SCTR: variants seen among roughly 807,000 people sequenced by gnomAD.
SCTR encodes the protein secretin receptor, also known as pancreatic secretin receptor.
SCTR carries 56 observed loss-of-function variants against 60.8 expected under a neutral mutation model. That is an observed-to-expected ratio of 0.92 (90% CI 0.74 to 1.15). The LOEUF is 1.15. Ranked by LOEUF, SCTR falls within the 50% of genes most tolerant of loss-of-function variation. The pLI is 0.00. For synonymous variants in SCTR, 202 were observed against 217.0 expected (o/e 0.93, Z 0.61); for missense variants, 562 against 550.4 (o/e 1.02, Z -0.21).
intron 2 of SCTR, chr2:119,480,631 T>C (rs1677557617): frequency 6.6e-6 from 1 of 152,230 alleles, no homozygotes; most frequent in African/African-American, 2.4e-5. Context: ...CATTTTATAT[T>C]TGTGTGTGAG....
intron 4 of SCTR, among the ~76,000 whole-genome samples, chr2:119,469,881 TTGCCTCTCTTACTGCTGTA>T (rs776598142): frequency 5.3e-5 from 8 of 152,176 alleles, no homozygotes; most frequent in Non-Finnish European, 1.2e-4. Context: ...CTGAATTCAG[TTGCCTCTCTTACTGCTGTA>T]TGTTCTGACT....
chr2:119,512,889 T>C (rs558650748), intron 1 of SCTR, among the ~76,000 whole-genome samples: 1 of 152,366 alleles, frequency 6.6e-6, no homozygotes, highest in South Asian at 2.1e-4. Flanking sequence ...GTTGTACGTC[T>C]TAAGTTTGTC....
intron 1 of SCTR, among the ~76,000 whole-genome samples, chr2:119,523,440 T>C (rs1056760600): frequency 1.9e-4 from 28 of 148,764 alleles, no homozygotes; most frequent in African/African-American, 6.4e-4. Flanking sequence ...ATTATTATTA[T>C]TTTCCTCCTC....
chr2:119,519,490 G>A lies in SCTR; in HGVS notation c.72+4665C>T, dbSNP rs1350652896. ...CTTGGGCACCAGAAACCCGGAACAG[G>A]CCTCTCTTTTGGAGCAGATGCATGT... On this transcript the variant is annotated intron_variant, in intron 1 of 12. Transcript: ENST00000019103. 2.6e-5 allele frequency among the ~76,000 whole-genome samples: 4 copies of A among 152,128 alleles called. No homozygotes were observed. The East Asian group carries it at 7.7e-4, about 29-fold the overall frequency.
At chr2:119,513,025 G>A (rs896662863) in intron 1 of SCTR, among the ~76,000 whole-genome samples, 1 of 152,180 alleles carries the variant, frequency 6.6e-6, no homozygotes, top group African/African-American at 2.4e-5. Context: ...GAAACACTGT[G>A]GACCTAAACA....
chr2:119,465,675 A>G (rs950207524), intron 5 of SCTR, 114 bp downstream of exon 5: 4 of 709,518 alleles, frequency 5.6e-6, no homozygotes, highest in Non-Finnish European at 1.0e-5. Context: ...AGATCAAGAG[A>G]CGACAAGGTA....
At chr2:119,460,138 C>T (rs1683543796) in intron 7 of SCTR, among the ~76,000 whole-genome samples, 1 of 151,542 alleles carries the variant, frequency 6.6e-6, no homozygotes, top group Non-Finnish European at 1.5e-5. Context: ...TCTGCCAGCT[C>T]AGGCAGCTCC....
At chr2:119,512,322 CCCTTCCCCTTCCCCTTCCCCTTCT>C (rs1286430416) in intron 1 of SCTR, among the ~76,000 whole-genome samples, 2 of 63,022 alleles carry the variant, frequency 3.2e-5, no homozygotes, top group East Asian at 4.8e-4. Flanking sequence ...CTTCCCCTTC[CCCTTCCCCTTCCCCTTCCCCTTCT>C]CCTTCTCCTT....
intron 4 of SCTR, among the ~76,000 whole-genome samples, chr2:119,469,559 T>C (rs1387588898): frequency 6.6e-6 from 1 of 152,174 alleles, no homozygotes; most frequent in Non-Finnish European, 1.5e-5. Flanking sequence ...AGCACGATCA[T>C]GGCTCACTAC....
At position 119,464,125 on chromosome 2, in the gene SCTR, T is replaced by G; in HGVS notation, c.634A>C (p.Arg212=). The stretch of plus-strand genomic sequence containing the variant: ...CCTGGGGCACCCAGACATATTACCC[T>G]GTGGGCATCGCAGTAGGTGACATCA... ...SDDVTYCDAH[R]AGCKLVMVLF... The change falls in exon 6 of 13, where the codon AGG becomes CGG. Residue 212 remains arginine (R), a splice_region_variant and synonymous_variant. Coordinates refer to ENST00000019103, the MANE Select transcript of SCTR (RefSeq NM_002980.3). 1 of 1,614,090 alleles carries G rather than the reference T, an allele frequency of 6.2e-7. No individual in the cohort carries two copies. Among genetic ancestry groups the G allele is most frequent in the Non-Finnish European group, 8.5e-7 (1 of 1,179,994 alleles).
intron 7 of SCTR, 135 bp from the exon 8 acceptor site, chr2:119,453,482 C>A: frequency 1.4e-6 from 1 of 705,074 alleles, no homozygotes; most frequent in Non-Finnish European, 2.5e-6. Context: ...AGAAACCCCT[C>A]TGCCATCTTG....
At chr2:119,518,205 A>G (rs1215151620) in intron 1 of SCTR, among the ~76,000 whole-genome samples, 1 of 152,180 alleles carries the variant, frequency 6.6e-6, no homozygotes, top group East Asian at 1.9e-4. Flanking sequence ...GTATTTTGTT[A>G]TGATAACACA....
intron 2 of SCTR, 66 bp from the exon 3 acceptor site, chr2:119,478,984 C>T (rs1677474451): frequency 6.3e-7 from 1 of 1,598,090 alleles, no homozygotes; most frequent in Non-Finnish European, 8.5e-7. Flanking sequence ...CCATCCTGTC[C>T]ACATCACCGA....
At chr2:119,458,307 A>G (rs993790191) in intron 7 of SCTR, among the ~76,000 whole-genome samples, 1 of 134,068 alleles carries the variant, frequency 7.5e-6, no homozygotes, top group African/African-American at 2.7e-5. Context: ...CCCTATCTTG[A>G]AAAAAAAAAA....
chr2:119,441,887 G>A (rs771414469), intron 11 of SCTR, among the ~76,000 whole-genome samples: 5 of 152,176 alleles, frequency 3.3e-5, no homozygotes, highest in Non-Finnish European at 7.4e-5. Flanking sequence ...CCGGGATCAG[G>A]AAGCTCACCT....
intron 10 of SCTR, among the ~76,000 whole-genome samples, chr2:119,447,773 T>A (rs1682989402): frequency 6.6e-6 from 1 of 152,196 alleles, no homozygotes; most frequent in Non-Finnish European, 1.5e-5. Context: ...GGTTTCACCA[T>A]CTTGACCAGG....
chr2:119,440,307 C>A, intron 12 of SCTR, 50 bp from the exon 13 acceptor site: 2 of 1,575,874 alleles, frequency 1.3e-6, no homozygotes, highest in African/African-American at 1.3e-5. Flanking sequence ...AGTTCTGTGC[C>A]TGGAGCCCTG....
intron 1 of SCTR, among the ~76,000 whole-genome samples, chr2:119,512,519 C>A (rs534850145): frequency 2.7e-4 from 40 of 146,712 alleles, no homozygotes; most frequent in Non-Finnish European, 3.1e-4. Flanking sequence ...GCCTCAGCCT[C>A]CCGAGTAGCT....
chr2:119,512,437 C>T (rs967342699), intron 1 of SCTR, among the ~76,000 whole-genome samples: 16 of 151,434 alleles, frequency 1.1e-4, no homozygotes, highest in Non-Finnish European at 1.8e-4. Flanking sequence ...CGCTCTATTT[C>T]CCAGGCTGGA....
Sources: allele counts gnomAD v4.1 joint callset (sites outside exome capture counted in the v4.1 genomes callset), GRCh38; gene constraint gnomAD v4.1.1; transcripts MANE v1.5; gene names NCBI Gene and HGNC (gene_info 2026-07-23, HGNC 2026-07-21).